The following DBX2 variants were observed in gnomAD, a reference collection of about 807,000 sequenced individuals.
The protein encoded by DBX2 is homeobox protein DBX2.
A neutral mutation model predicts 17.7 loss-of-function variants in DBX2; 16 were observed. The observed-to-expected ratio is 0.90, with a 90% CI of 0.61 to 1.37. DBX2 has a LOEUF of 1.37. Ranked by LOEUF, DBX2 falls within the 40% of genes most tolerant of loss-of-function variation. The probability of loss-of-function intolerance (pLI) is 0.00; values close to 1 mark genes in which losing one functional copy is unlikely to be tolerated. For synonymous variants in DBX2, 255 were observed against 183.8 expected (o/e 1.39, Z -3.13); for missense variants, 538 against 433.8 (o/e 1.24, Z -2.13).
At position 45,016,558 on chromosome 12, in the gene DBX2, G is replaced by C. The variant is rs550393791; in HGVS notation, c.748C>G (p.Leu250Val). The C allele has an allele frequency of 6.3e-7, 1 of 1,576,644 alleles. No homozygotes were observed. The highest frequency in any genetic ancestry group is 1.2e-5 in the South Asian group (1 of 84,214). ...KWRNSKEKEVLSNRCIQEVGL... is the reference protein window; with the variant it reads ...KWRNSKEKEVVSNRCIQEVGL... ...ACTTCTTGGATACACCTGTTGGAAAGCACTTCCTTTTCTTTGGAATTCCGC... is the reference window on the plus strand; with the variant it reads ...ACTTCTTGGATACACCTGTTGGAAACCACTTCCTTTTCTTTGGAATTCCGC... Residue 250 changes from leucine (L) to valine (V), a missense_variant, in exon 4 of 4, where the codon CTT becomes GTT. Transcript: ENST00000332700.
At position 45,051,007 on chromosome 12, in the gene DBX2, G is replaced by C; in HGVS notation, c.-80C>G. 7.6e-7 allele frequency: 1 copy of C among 1,308,592 alleles called. No individual in the cohort carries two copies. The highest frequency in any genetic ancestry group is 9.7e-7 in the Non-Finnish European group (1 of 1,032,594). The allele number at this position is 1,308,592 out of a possible 1,614,324, so 81.1% of individuals were successfully genotyped here. A position where few individuals can be genotyped will look rare whatever the true frequency, so the allele number is the denominator to read the frequency against. On this transcript the variant is annotated 5_prime_UTR_variant, in exon 1 of 4. Transcript: ENST00000332700. ...GGCGCCCCGCACCGCACCCAGAGCC[G>C]CAGCTTCTCGCCGCCGCCTCCCGCA...
intron 2 of DBX2, among the ~76,000 whole-genome samples, chr12:45,029,294 C>T (rs1387541488): frequency 6.6e-6 from 1 of 152,138 alleles, no homozygotes; most frequent in Non-Finnish European, 1.5e-5. Flanking sequence ...ATGCAGCTTC[C>T]ACATATATTG....
At chr12:45,035,837 T>A (rs999617698) in intron 2 of DBX2, among the ~76,000 whole-genome samples, 182 bp downstream of exon 2, 1 of 152,180 alleles carries the variant, frequency 6.6e-6, no homozygotes, top group Non-Finnish European at 1.5e-5. Flanking sequence ...CTGCTCACAA[T>A]TGCTCAGTGT....
chr12:45,023,907 GAAA>G lies in DBX2; in HGVS notation c.500-16_500-14del. Reference sequence around the variant, plus strand: ...ATGCTCTCTTCTCCTAGAGTCGAGGGAAAAAGATACAAAAGCCCAGTTAGCTTT... The same window carrying G: ...ATGCTCTCTTCTCCTAGAGTCGAGGGAAGATACAAAAGCCCAGTTAGCTTT... On this transcript the variant is annotated splice_polypyrimidine_tract_variant and intron_variant, in intron 2 of 3. Transcript: ENST00000332700. 2 of 1,532,560 alleles carry G rather than the reference GAAA, an allele frequency of 1.3e-6. No homozygotes were observed. Among genetic ancestry groups the G allele is most frequent in the Non-Finnish European group, 1.7e-6 (2 of 1,146,836 alleles). The allele number at this position is 1,532,560 out of a possible 1,614,324, so 94.9% of individuals were successfully genotyped here.
At chr12:45,030,280 A>T (rs1165609117) in intron 2 of DBX2, among the ~76,000 whole-genome samples, 12 of 152,178 alleles carry the variant, frequency 7.9e-5, no homozygotes, top group Non-Finnish European at 1.6e-4. Flanking sequence ...CTTTCTAAAC[A>T]TCAGACCAAG....
chr12:45,049,360 T>C (rs1044129607), intron 1 of DBX2, among the ~76,000 whole-genome samples: 2 of 152,228 alleles, frequency 1.3e-5, no homozygotes, highest in Non-Finnish European at 2.9e-5. Context: ...TTCCATAAAC[T>C]TTGCCTTAAC....
At chr12:45,021,459 A>G (rs886641300) in intron 3 of DBX2, among the ~76,000 whole-genome samples, 1 of 152,192 alleles carries the variant, frequency 6.6e-6, no homozygotes, top group Non-Finnish European at 1.5e-5. Context: ...AATAGGTACT[A>G]TCACAGATTT....
At chr12:45,044,556 A>G (rs1946489285) in intron 1 of DBX2, among the ~76,000 whole-genome samples, 1 of 152,186 alleles carries the variant, frequency 6.6e-6, no homozygotes, top group Admixed American at 6.5e-5. Flanking sequence ...CACGTGAAAG[A>G]AAAGTGAAAA....
rs1946313857 is a variant in DBX2, at chr12:45,014,737, G to A, written c.*1549C>T. On this transcript the variant is annotated 3_prime_UTR_variant, in exon 4 of 4. Transcript: ENST00000332700. The stretch of plus-strand genomic sequence containing the variant: ...GATCCCTGCTCCCATTCCCCACAAT[G>A]AGGCACTGAGACACACTTCTAAAAT... 1 of 152,110 alleles carries A rather than the reference G, an allele frequency of 6.6e-6. No individual in the cohort carries two copies. Among genetic ancestry groups the A allele is most frequent in the Admixed American group, 6.6e-5 (1 of 15,266 alleles). The allele number at this position is 152,110 out of a possible 1,614,324, so 9.4% of individuals were successfully genotyped here.
At chr12:45,016,996 G>C (rs1350192366) in intron 3 of DBX2, among the ~76,000 whole-genome samples, 1 of 151,926 alleles carries the variant, frequency 6.6e-6, no homozygotes, top group Non-Finnish European at 1.5e-5. Context: ...ATGTTGCCCA[G>C]GCTGGTCTTG....
chr12:45,042,398 G>C (rs1039125454), intron 1 of DBX2, among the ~76,000 whole-genome samples: 2 of 152,174 alleles, frequency 1.3e-5, no homozygotes, highest in Non-Finnish European at 2.9e-5. Flanking sequence ...AAAGTACTTG[G>C]AAGGGCAAAA....
intron 2 of DBX2, among the ~76,000 whole-genome samples, chr12:45,030,092 G>A (rs1416104045): frequency 6.6e-6 from 1 of 151,990 alleles, no homozygotes; most frequent in Non-Finnish European, 1.5e-5. Flanking sequence ...TCATGATATT[G>A]TTAAGGAGGG....
At chr12:45,031,978 C>T (rs1257350739) in intron 2 of DBX2, among the ~76,000 whole-genome samples, 1 of 152,006 alleles carries the variant, frequency 6.6e-6, no homozygotes, top group Non-Finnish European at 1.5e-5. Flanking sequence ...CAGAGAAAAC[C>T]ACCCCATATT....
intron 3 of DBX2, among the ~76,000 whole-genome samples, chr12:45,023,047 C>T (rs1310599072): frequency 1.3e-5 from 2 of 152,160 alleles, no homozygotes; most frequent in African/African-American, 4.8e-5. Context: ...TAGGAAACTC[C>T]TAGTGCCTTA....
intron 1 of DBX2, among the ~76,000 whole-genome samples, chr12:45,042,551 G>T (rs1946477328): frequency 6.6e-6 from 1 of 152,222 alleles, no homozygotes; most frequent in African/African-American, 2.4e-5. Context: ...AAGCAATGTG[G>T]CTAGAAGAGT....
At chr12:45,046,604 G>A (rs183565700) in intron 1 of DBX2, among the ~76,000 whole-genome samples, 2 of 152,124 alleles carry the variant, frequency 1.3e-5, no homozygotes, top group African/African-American at 4.8e-5. Context: ...TCTCCCTTGC[G>A]TAGGTGCCTA....
At position 45,030,814 on chromosome 12, in the gene DBX2, T is replaced by A. The variant is rs373012054; in HGVS notation, c.499+5205A>T. 8.7e-4 allele frequency among the ~76,000 whole-genome samples: 133 copies of A among 152,286 alleles called. 2 individuals carry two copies. In the South Asian group the frequency reaches 0.027, roughly 30 times the overall value. ...ACCTCTCAAGGCTTTTAGTAAAAAA[T>A]ATCATTATTTCAGGATAACTCAAGC... On this transcript the variant is annotated intron_variant, in intron 2 of 3. Transcript: ENST00000332700.
rs1946440137 is a variant in DBX2, at chr12:45,036,167, C to T, written c.404-53G>A. The T allele has an allele frequency of 5.4e-6, 8 of 1,468,524 alleles. No individual in the cohort carries two copies. In the South Asian group the frequency reaches 9.6e-5, roughly 18 times the overall value. 91.0% of individuals were successfully genotyped at this position (1,468,524 alleles called of 1,614,324 possible). A position where few individuals can be genotyped will look rare whatever the true frequency, so the allele number is the denominator to read the frequency against. On this transcript the variant is annotated intron_variant, in intron 1 of 3. Coordinates refer to ENST00000332700, the MANE Select transcript of DBX2 (RefSeq NM_001004329.3). ...TTAGCCATTTCTTTAAGACAATATT[C>T]AAAACTCCAGTTTCCTAAAAGTCAT...
intron 1 of DBX2, among the ~76,000 whole-genome samples, chr12:45,044,181 T>C (rs1946486894): frequency 6.6e-6 from 1 of 152,208 alleles, no homozygotes; most frequent in Non-Finnish European, 1.5e-5. Context: ...ATAGAAAATA[T>C]GTAAACAAAT....
Sources: gnomAD v4.1 joint callset for allele counts (sites outside exome capture counted in the v4.1 genomes callset) on GRCh38, gnomAD v4.1.1 for gene constraint, MANE v1.5 for transcripts, NCBI Gene and HGNC (gene_info 2026-07-23, HGNC 2026-07-21) for gene names.